The following KALRN variants were observed in gnomAD, a reference collection of about 807,000 sequenced individuals.
KALRN encodes kalirin RhoGEF kinase.
A neutral mutation model predicts 353.7 loss-of-function variants in KALRN; 70 were observed. That is an observed-to-expected ratio of 0.20 (90% CI 0.16 to 0.24). The LOEUF is 0.24. Ranked by LOEUF, KALRN falls within the 10% of genes least tolerant of loss-of-function variation. KALRN has a pLI of 1.00. For synonymous variants in KALRN, 1,391 were observed against 1,434.8 expected (o/e 0.97, Z 0.69); for missense variants, 2,791 against 3,756.7 (o/e 0.74, Z 6.72).
intron 33 of KALRN, among the ~76,000 whole-genome samples, chr3:124,545,263 C>T (rs1294080919): frequency 1.3e-5 from 2 of 152,174 alleles, no homozygotes; most frequent in African/African-American, 4.8e-5. Context: ...AAATGTAAAA[C>T]CCTCTAAATA....
At chr3:124,530,787 T>G (rs143183573) in intron 33 of KALRN, among the ~76,000 whole-genome samples, 2,033 of 152,204 alleles carry the variant, frequency 0.013, 20 homozygotes, top group Middle Eastern at 0.037. Context: ...CCATTATAAC[T>G]CTCTCCCTTT....
chr3:124,632,391 A>T (rs2080882934), intron 34 of KALRN, 29 bp from the exon 35 acceptor site: 2 of 1,609,236 alleles, frequency 1.2e-6, no homozygotes, highest in African/African-American at 1.3e-5. Flanking sequence ...ACCACCTCTG[A>T]CATGGCTGTG....
At chr3:124,392,533 A>T (rs566638949) in intron 11 of KALRN, among the ~76,000 whole-genome samples, 1 of 150,664 alleles carries the variant, frequency 6.6e-6, no homozygotes, top group Non-Finnish European at 1.5e-5. Context: ...CTAGGATTTG[A>T]AACTTTTTTT....
At chr3:124,102,292 T>G (rs2061938863) in intron 1 of KALRN, among the ~76,000 whole-genome samples, 1 of 152,202 alleles carries the variant, frequency 6.6e-6, no homozygotes, top group African/African-American at 2.4e-5. Context: ...AACAATTCCC[T>G]GTTGTTCTAT....
Position 124,491,434 on chromosome 3 carries a change from G to A in KALRN, c.4689+10G>A. 6.3e-7 allele frequency: 1 copy of A among 1,575,246 alleles called. No individual in the cohort carries two copies. Among genetic ancestry groups the A allele is most frequent in the Non-Finnish European group, 8.6e-7 (1 of 1,157,746 alleles). On this transcript the variant is annotated intron_variant, in intron 31 of 59. Coordinates refer to ENST00000682506, the MANE Select transcript of KALRN (RefSeq NM_001388419.1). ...TAAAACAGTGCTGAAAGTAAGTACT[G>A]CTCTCTGCTAGGCACAAACTAGGGT...
intron 5 of KALRN, among the ~76,000 whole-genome samples, chr3:124,289,567 G>A (rs1027607826): frequency 2.0e-5 from 3 of 152,160 alleles, no homozygotes; most frequent in African/African-American, 7.2e-5. Flanking sequence ...TTGAGATAAT[G>A]TGTGTAAACC....
intron 33 of KALRN, among the ~76,000 whole-genome samples, chr3:124,559,162 T>C (rs1318459908): frequency 1.3e-5 from 2 of 152,228 alleles, no homozygotes; most frequent in Non-Finnish European, 1.5e-5. Flanking sequence ...CCAGCACAGC[T>C]ATCACTGTGG....
intron 33 of KALRN, among the ~76,000 whole-genome samples, chr3:124,538,132 C>T (rs1425218170): frequency 1.3e-5 from 2 of 152,190 alleles, no homozygotes; most frequent in African/African-American, 4.8e-5. Flanking sequence ...TACCATGAGG[C>T]AAAAACGTAT....
At chr3:124,201,523 C>T (rs2075940128) in intron 1 of KALRN, among the ~76,000 whole-genome samples, 1 of 152,142 alleles carries the variant, frequency 6.6e-6, no homozygotes, top group East Asian at 1.9e-4. Context: ...CAGAAATTTT[C>T]CCTTCCTGAA....
rs1010625159 is a variant in KALRN at position 124,722,539 on chromosome 3, A to G, written c.*3069A>G. 6 of 152,166 alleles carry G rather than the reference A, an allele frequency of 3.9e-5. No individual in the cohort carries two copies. Among genetic ancestry groups the G allele is most frequent in the African/African-American group, 1.4e-4 (6 of 41,436 alleles). The allele number at this position is 152,166 out of a possible 1,614,324, so 9.4% of individuals were successfully genotyped here. On this transcript the variant is annotated 3_prime_UTR_variant, in exon 60 of 60. Coordinates refer to ENST00000682506, the MANE Select transcript of KALRN (RefSeq NM_001388419.1). ...GCTCCTGGTCCCTCCCAACAGAGAT[A>G]AGAGAGTAGTCTTGGTTCAAGAGTT...
At chr3:124,126,015 C>T (rs760267234) in intron 1 of KALRN, among the ~76,000 whole-genome samples, 10 of 152,164 alleles carry the variant, frequency 6.6e-5, no homozygotes, top group Non-Finnish European at 1.3e-4. Context: ...GACAGCTTAC[C>T]TACTAACATT....
At chr3:124,432,652 C>A (rs2093324767) in intron 16 of KALRN, among the ~76,000 whole-genome samples, 1 of 152,154 alleles carries the variant, frequency 6.6e-6, no homozygotes, top group Admixed American at 6.5e-5. Flanking sequence ...TCTCAATGAG[C>A]TTTTGAGGAA....
intron 25 of KALRN, among the ~76,000 whole-genome samples, chr3:124,464,874 A>C (rs947125347): frequency 1.3e-5 from 2 of 151,788 alleles, no homozygotes; most frequent in African/African-American, 4.8e-5. Flanking sequence ...AAAAAAAAAA[A>C]AACCTCATAG....
chr3:124,050,069 G>A lies in KALRN; in HGVS notation c.73+16256G>A, dbSNP rs183613509. Among the ~76,000 whole-genome samples the A allele has an allele frequency of 1.5e-3, 223 of 152,302 alleles. 4 individuals carry two copies. The highest frequency in any genetic ancestry group is 3.4e-3 in the Middle Eastern group (1 of 294). ...ATAGAGGTGTTTACATGAACTTGTG[G>A]TGGTAGTGATGGGAGCAAAGGAAGA... is the stretch of plus-strand genomic sequence containing the variant. On this transcript the variant is annotated intron_variant, in intron 1 of 59. Coordinates refer to ENST00000682506, the MANE Select transcript of KALRN (RefSeq NM_001388419.1).
intron 25 of KALRN, among the ~76,000 whole-genome samples, chr3:124,464,582 G>A (rs1442574401): frequency 1.3e-5 from 2 of 151,866 alleles, no homozygotes; most frequent in Non-Finnish European, 2.9e-5. Context: ...CAGCTACCCA[G>A]CACATATTAT....
At chr3:124,215,181 G>T (rs1173190571) in intron 1 of KALRN, among the ~76,000 whole-genome samples, 1 of 152,196 alleles carries the variant, frequency 6.6e-6, no homozygotes, top group African/African-American at 2.4e-5. Flanking sequence ...TGCACAATCA[G>T]CTGGGCAGCT....
At chr3:124,186,622 G>A (rs1164592125) in intron 1 of KALRN, among the ~76,000 whole-genome samples, 2 of 152,204 alleles carry the variant, frequency 1.3e-5, no homozygotes, top group Non-Finnish European at 2.9e-5. Context: ...TTTACTGGAT[G>A]AAATACTGAA....
chr3:124,402,428 G>C (rs1427036735), intron 13 of KALRN, among the ~76,000 whole-genome samples: 2 of 152,148 alleles, frequency 1.3e-5, no homozygotes, highest in African/African-American at 4.8e-5. Flanking sequence ...TTCTATGAAA[G>C]ACATTTTATA....
At chr3:124,315,379 G>T (rs767147340) in intron 6 of KALRN, among the ~76,000 whole-genome samples, 9 of 152,158 alleles carry the variant, frequency 5.9e-5, no homozygotes, top group Non-Finnish European at 1.2e-4. Flanking sequence ...GGTCCCTTCT[G>T]CAAGGCTCCT....
Sources: allele counts gnomAD v4.1 joint callset (sites outside exome capture counted in the v4.1 genomes callset), GRCh38; gene constraint gnomAD v4.1.1; transcripts MANE v1.5; gene names NCBI Gene and HGNC (gene_info 2026-07-23, HGNC 2026-07-21).